Variants in COLEC10 observed in about 807,000 individuals in gnomAD.
The protein encoded by COLEC10 is collectin-10.
In COLEC10, 22 loss-of-function variants were observed where a neutral mutation model predicts 28.4. That is an observed-to-expected ratio of 0.78 (90% CI 0.55 to 1.11). The LOEUF (loss-of-function observed/expected upper bound fraction) is 1.11, where lower values mean the gene tolerates loss of function less well. Ranked by LOEUF, COLEC10 falls within the 50% of genes least tolerant of loss-of-function variation. The pLI, the probability that COLEC10 is intolerant of heterozygous loss-of-function variation, is 0.00. For synonymous variants in COLEC10, 125 were observed against 116.1 expected (o/e 1.08, Z -0.49); for missense variants, 361 against 344.1 (o/e 1.05, Z -0.39).
upstream of COLEC10, among the ~76,000 whole-genome samples, chr8:118,994,885 A>G (rs1813563981): frequency 1.3e-5 from 2 of 152,220 alleles, no homozygotes; most frequent in Admixed American, 1.3e-4. Context: ...CAAATTTAAT[A>G]TACATGAGTT....
chr8:119,100,196 C>T (rs560711125), intron 3 of COLEC10, among the ~76,000 whole-genome samples: 5 of 152,068 alleles, frequency 3.3e-5, no homozygotes, highest in Admixed American at 2.6e-4. Context: ...CTGGGAAGCA[C>T]CATGAAAGGG....
upstream of COLEC10, among the ~76,000 whole-genome samples, chr8:119,064,651 T>C (rs1814920324): frequency 6.6e-6 from 1 of 152,234 alleles, no homozygotes; most frequent in South Asian, 2.1e-4. Context: ...AGTATTTTTC[T>C]ATCACTGTTA....
chr8:119,105,996 C>T lies in COLEC10; in HGVS notation c.639C>T (p.Asp213=). 6.2e-7 allele frequency: 1 copy of T among 1,613,738 alleles called. No individual in the cohort carries two copies. The highest frequency in any genetic ancestry group is 8.5e-7 in the Non-Finnish European group (1 of 1,179,874). Residue 213 remains aspartate (D), a synonymous_variant, in exon 6 of 6, where the codon GAC becomes GAT. Coordinates refer to ENST00000332843, the MANE Select transcript of COLEC10 (RefSeq NM_006438.5). ...GFFRVFIGVN[D]LEREGQYMFT... is the part of the protein sequence containing the mutation. ...TTCGGGTGTTCATTGGCGTGAATGA[C>T]CTTGAAAGGGAGGGACAGTACATGT...
rs567463648 is a variant in COLEC10 at position 118,998,846 on chromosome 8, C to CAAAAAAA, written n.122+3289_122+3295dup. On this transcript the variant is annotated intron_variant and non_coding_transcript_variant, in intron 1 of 6. Coordinates refer to the COLEC10 transcript ENST00000521788. ...TGGGTGACAGAACGAGACTCCGTCTCAAAAAAAAAAAAAAAAAAAAAATTA... is the reference window on the plus strand; with the variant it reads ...TGGGTGACAGAACGAGACTCCGTCTCAAAAAAAAAAAAAAAAAAAAAAAAAAAAATTA... Among the ~76,000 whole-genome samples the CAAAAAAA allele has an allele frequency of 3.6e-3, 276 of 76,550 alleles. 8 individuals are homozygous for CAAAAAAA. The highest frequency in any genetic ancestry group is 5.5e-3 in the Admixed American group (34 of 6,170). The allele number at this position is 76,550 out of a possible 152,430, so 50.2% of individuals were successfully genotyped here. A position where few individuals can be genotyped will look rare whatever the true frequency, so the allele number is the denominator to read the frequency against.
chr8:119,046,099 A>G (rs1814584122), intron 2 of COLEC10, among the ~76,000 whole-genome samples: 1 of 152,202 alleles, frequency 6.6e-6, no homozygotes, highest in Admixed American at 6.5e-5. Flanking sequence ...TTGATAGGAC[A>G]GAGAAAGATT....
chr8:119,000,730 A>T (rs1290546867), intron 1 of COLEC10, among the ~76,000 whole-genome samples: 3 of 152,218 alleles, frequency 2.0e-5, no homozygotes, highest in Non-Finnish European at 4.4e-5. Flanking sequence ...GTGATATTTT[A>T]AAAATGGGCC....
the COLEC10 span, among the ~76,000 whole-genome samples, chr8:118,965,702 T>C: frequency 6.6e-6 from 1 of 151,936 alleles, no homozygotes; most frequent in Admixed American, 6.6e-5. Flanking sequence ...ACACGGTCTT[T>C]CAAAACAAGA....
chr8:118,954,804 A>C, the COLEC10 span, among the ~76,000 whole-genome samples: 2 of 152,324 alleles, frequency 1.3e-5, no homozygotes, highest in African/African-American at 4.8e-5. Flanking sequence ...GTGCCTGAAT[A>C]TTAGGAGTTC....
intron 2 of COLEC10, among the ~76,000 whole-genome samples, chr8:119,045,999 G>A (rs1016681620): frequency 6.6e-6 from 1 of 152,198 alleles, no homozygotes; most frequent in Non-Finnish European, 1.5e-5. Flanking sequence ...ATTGACTCAT[G>A]CATCTTTGCA....
the COLEC10 span, among the ~76,000 whole-genome samples, chr8:118,966,586 A>G: frequency 2.0e-5 from 3 of 152,084 alleles, no homozygotes; most frequent in African/African-American, 2.4e-5. Flanking sequence ...TTGCAGAACT[A>G]TGAGAGCTTG....
chr8:118,968,607 GTATGTA>G, the COLEC10 span, among the ~76,000 whole-genome samples: 11,499 of 151,486 alleles, frequency 0.076, 452 homozygotes, highest in Non-Finnish European at 0.091. Context: ...ATACGTATAT[GTATGTA>G]TATGTATATG....
At chr8:118,966,058 G>A in the COLEC10 span, among the ~76,000 whole-genome samples, 15 of 151,872 alleles carry the variant, frequency 9.9e-5, no homozygotes, top group African/African-American at 3.6e-4. Context: ...AGCAAATCAG[G>A]GAAAAATCTA....
intron 1 of COLEC10, among the ~76,000 whole-genome samples, chr8:119,086,392 G>A (rs995064762): frequency 6.6e-6 from 1 of 151,966 alleles, no homozygotes; most frequent in South Asian, 2.1e-4. Flanking sequence ...GGGGAGGTGG[G>A]GGGGGTCCCT....
the COLEC10 span, among the ~76,000 whole-genome samples, chr8:118,952,813 G>T: frequency 2.6e-5 from 4 of 152,146 alleles, no homozygotes; most frequent in African/African-American, 9.7e-5. Context: ...TTGCTCTAGG[G>T]TTCGCTGTCT....
upstream of COLEC10, among the ~76,000 whole-genome samples, chr8:118,992,501 C>T (rs534559891): frequency 3.9e-5 from 6 of 152,156 alleles, no homozygotes; most frequent in South Asian, 4.1e-4. Context: ...AGGAAGCTTG[C>T]GATGGGCAGA....
upstream of COLEC10, among the ~76,000 whole-genome samples, chr8:118,992,407 G>A (rs569630259): frequency 6.6e-6 from 1 of 152,190 alleles, no homozygotes; most frequent in African/African-American, 2.4e-5. Flanking sequence ...CATTGTTTCA[G>A]TAAAATGGTT....
chr8:118,963,561 C>A, the COLEC10 span, among the ~76,000 whole-genome samples: 1 of 152,120 alleles, frequency 6.6e-6, no homozygotes, highest in African/African-American at 2.4e-5. Flanking sequence ...CTAAGATGCC[C>A]ATTTATTCAT....
At chr8:119,082,946 C>A (rs1165415286) in intron 1 of COLEC10, among the ~76,000 whole-genome samples, 5 of 152,168 alleles carry the variant, frequency 3.3e-5, no homozygotes, top group Admixed American at 1.3e-4. Context: ...GCATTTCTCA[C>A]AGTAATTATC....
In COLEC10 at chr8:119,044,566, C is replaced by T. The variant is rs117639562; in HGVS notation, n.235+35013C>T. ...TGTAATTGAAAAAAACATAACTGGG[C>T]GGGCATGGTGGCTTATGCCTGTAAT... On this transcript the variant is annotated intron_variant and non_coding_transcript_variant, in intron 2 of 6. Coordinates refer to the COLEC10 transcript ENST00000521788. 1.0e-2 allele frequency among the ~76,000 whole-genome samples: 1,515 copies of T among 152,034 alleles called. 16 individuals are homozygous for T. The highest frequency in any genetic ancestry group is 0.016 in the Non-Finnish European group (1,066 of 67,968).
Sources: gnomAD v4.1 joint callset for allele counts (sites outside exome capture counted in the v4.1 genomes callset) on GRCh38, gnomAD v4.1.1 for gene constraint, MANE v1.5 for transcripts, NCBI Gene and HGNC (gene_info 2026-07-23, HGNC 2026-07-21) for gene names.